Variants in IQSEC1 observed in about 807,000 individuals in gnomAD.
The protein encoded by IQSEC1 is IQ motif and SEC7 domain-containing protein 1.
In IQSEC1, 31 loss-of-function variants were observed where a neutral mutation model predicts 91.0. The ratio of observed to expected loss-of-function variants is 0.34; its 90% CI spans 0.26 to 0.46. The LOEUF (loss-of-function observed/expected upper bound fraction) is 0.46, where lower values mean the gene tolerates loss of function less well. Ranked by LOEUF, IQSEC1 falls within the 20% of genes least tolerant of loss-of-function variation. IQSEC1 has a pLI of 1.00. For synonymous variants in IQSEC1, 699 were observed against 662.6 expected (o/e 1.05, Z -0.84); for missense variants, 1,388 against 1,575.6 (o/e 0.88, Z 2.02).
chr3:13,158,150 G>A (rs1005828457), intron 2 of IQSEC1, among the ~76,000 whole-genome samples: 2 of 152,156 alleles, frequency 1.3e-5, no homozygotes, highest in African/African-American at 4.8e-5. Context: ...GCCTCCAGAG[G>A]CCGCCGGCTC....
At chr3:12,930,009 T>C (rs1405095893) in intron 3 of IQSEC1, among the ~76,000 whole-genome samples, 1 of 152,236 alleles carries the variant, frequency 6.6e-6, no homozygotes, top group Non-Finnish European at 1.5e-5. Context: ...TCTCATCGTC[T>C]TTCAGCGGCA....
At chr3:13,277,950 C>A (rs923041112) in intron 1 of IQSEC1, among the ~76,000 whole-genome samples, 1 of 152,160 alleles carries the variant, frequency 6.6e-6, no homozygotes, top group African/African-American at 2.4e-5. Context: ...CCCGGCAGGA[C>A]CCTCCTGAGG....
chr3:13,276,077 A>G (rs926924402), intron 1 of IQSEC1, among the ~76,000 whole-genome samples: 6 of 85,600 alleles, frequency 7.0e-5, no homozygotes, highest in Non-Finnish European at 1.1e-4. Flanking sequence ...CCTCAAAAGC[A>G]TTCTTTTTTT....
intron 2 of IQSEC1, among the ~76,000 whole-genome samples, chr3:13,144,866 G>A (rs984287910): frequency 6.6e-6 from 1 of 152,214 alleles, no homozygotes; most frequent in African/African-American, 2.4e-5. Context: ...AGCAGCGCTT[G>A]GGCCGAAGCG....
At chr3:12,982,903 C>T (rs955347753) in intron 1 of IQSEC1, among the ~76,000 whole-genome samples, 3 of 152,382 alleles carry the variant, frequency 2.0e-5, no homozygotes, top group African/African-American at 7.2e-5. Flanking sequence ...CTAGTCCAAA[C>T]GTTCCCAGCT....
chr3:12,945,765 C>G (rs1485417303), intron 1 of IQSEC1, among the ~76,000 whole-genome samples: 1 of 152,150 alleles, frequency 6.6e-6, no homozygotes, highest in Non-Finnish European at 1.5e-5. Context: ...AAAAAAGTGG[C>G]TTTTCTGAGT....
rs1297364570 is a variant in IQSEC1 at position 12,924,654 on chromosome 3, T to G, written c.1657A>C (p.Lys553Gln). ...CCGATCATCTGCCGGCTGAGGCCCT[T>G]GCGCTGCAGCAGGAAGTGGGCCACC... is the stretch of plus-strand genomic sequence containing the variant. The part of the protein sequence containing the change: ...VGVAHFLLQR[K>Q]GLSRQMIGEF... The change falls in exon 4 of 14, where the codon AAG (lysine) becomes CAG (glutamine). Residue 553 changes from lysine to glutamine, a missense_variant. By Grantham distance (53) the Lys-to-Gln change is moderately conservative (BLOSUM62 1). This residue lies in a region of IQSEC1 where 1,059 missense variants were observed against 1,317.8 expected (regional missense o/e 0.80). Transcript: ENST00000613206. This position sits in a 1 kb window ranked among gnomAD's most constrained non-coding sequence, Gnocchi z 6.3. 3.1e-6 allele frequency: 5 copies of G among 1,611,078 alleles called. No individual in the cohort carries two copies.
intron 2 of IQSEC1, among the ~76,000 whole-genome samples, chr3:13,149,868 G>A (rs1706962439): frequency 1.3e-5 from 2 of 152,318 alleles, no homozygotes; most frequent in Non-Finnish European, 2.9e-5. Context: ...TCACTGAGGG[G>A]TACAGTCATG....
At chr3:13,097,357 G>T (rs1404733621) in intron 2 of IQSEC1, among the ~76,000 whole-genome samples, 1 of 152,130 alleles carries the variant, frequency 6.6e-6, no homozygotes, top group African/African-American at 2.4e-5. Flanking sequence ...GCTTCCAGAC[G>T]TGGCTCTGGT....
rs1694007167 is a variant in IQSEC1, at chr3:12,899,521, CAGAAGCGACAAG to C, written c.*1450_*1461del. On this transcript the variant is annotated 3_prime_UTR_variant, in exon 14 of 14. Coordinates refer to ENST00000613206, the MANE Select transcript of IQSEC1 (RefSeq NM_001134382.3). ...GGGAGCGCATGGTGTCACCACAACA[CAGAAGCGACAAG>C]AGCACAGCTGAGAGTCATGTGATGC... 4 of 1,541,110 alleles carry C rather than the reference CAGAAGCGACAAG, an allele frequency of 2.6e-6. No individual in the cohort carries two copies. The East Asian group carries it at 9.7e-5, about 37-fold the overall frequency.
rs141252693 is a variant in IQSEC1 at position 12,924,526 on chromosome 3, G to A, written c.1730+55C>T. On this transcript the variant is annotated intron_variant, in intron 4 of 13. Transcript: ENST00000613206. This position sits in a 1 kb window ranked among gnomAD's most constrained non-coding sequence, Gnocchi z 6.3. ...TGTGTGTGCCCACGGGTAACACAGG[G>A]TGCGTGAGGGCGTGTGTGGAATCAG... The A allele has an allele frequency of 2.0e-6, 3 of 1,521,412 alleles. No individual in the cohort carries two copies. Among genetic ancestry groups the A allele is most frequent in the Non-Finnish European group, 1.8e-6 (2 of 1,123,228 alleles). 94.2% of individuals were successfully genotyped at this position (1,521,412 alleles called of 1,614,324 possible). A position where few individuals can be genotyped will look rare whatever the true frequency, so the allele number is the denominator to read the frequency against.
rs1296020629 is a variant in IQSEC1 at position 12,924,004 on chromosome 3, CAGGACGCACAGCCCCAA to C, written c.1730+560_1730+576del. ...GAGCTGTGGAATCAGGAGGTGGGGG[CAGGACGCACAGCCCCAA>C]TATCCCAGCCGGGAGAATGAGGCAG... is the stretch of plus-strand genomic sequence containing the variant. On this transcript the variant is annotated intron_variant, in intron 4 of 13. Coordinates refer to ENST00000613206, the MANE Select transcript of IQSEC1 (RefSeq NM_001134382.3). This position sits in a 1 kb window ranked among gnomAD's most constrained non-coding sequence, Gnocchi z 6.3. 2.0e-5 allele frequency among the ~76,000 whole-genome samples: 3 copies of C among 152,210 alleles called. No homozygotes were observed. The highest frequency in any genetic ancestry group is 4.4e-5 in the Non-Finnish European group (3 of 68,030).
At position 13,028,091 on chromosome 3, in the gene IQSEC1, G is replaced by GC. The variant is rs758084959; in HGVS notation, c.23+44900dup. 9.9e-5 allele frequency among the ~76,000 whole-genome samples: 15 copies of GC among 152,280 alleles called. 1 individual carries two copies. The highest frequency in any genetic ancestry group is 2.0e-4 in the Admixed American group (3 of 15,302). ...CCAGAGACGCCTGTGGCCCCTCAAA[G>GC]CCCCGCAGGGCTGATAATCCCAGAC... is the stretch of plus-strand genomic sequence containing the variant. On this transcript the variant is annotated intron_variant, in intron 1 of 13. Transcript: ENST00000613206.
intron 2 of IQSEC1, among the ~76,000 whole-genome samples, chr3:13,120,137 G>GA (rs1367782895): frequency 2.0e-5 from 3 of 152,216 alleles, no homozygotes; most frequent in African/African-American, 7.2e-5. Flanking sequence ...CCCTCCCGGG[G>GA]AGGAGGCTGC....
rs977038299 is a variant in IQSEC1, at chr3:13,207,368, G to A, written c.273-43235C>T. Reference sequence around the variant, plus strand: ...AATCTGCCTACTTCTCCCCCTCCACGGCCACCTCCCTGACCCAAGCCCCGT... The same window carrying A: ...AATCTGCCTACTTCTCCCCCTCCACAGCCACCTCCCTGACCCAAGCCCCGT... On this transcript the variant is annotated intron_variant, in intron 1 of 15. Coordinates refer to the IQSEC1 transcript ENST00000648114. The surrounding 1 kb of genome is among the most constrained non-coding windows in gnomAD (Gnocchi z 4.8). Among the ~76,000 whole-genome samples the A allele has an allele frequency of 6.6e-6, 1 of 151,542 alleles. No homozygotes were observed. Among genetic ancestry groups the A allele is most frequent in the African/African-American group, 2.4e-5 (1 of 41,174 alleles).
intron 1 of IQSEC1, among the ~76,000 whole-genome samples, chr3:12,989,805 T>G (rs1040949346): frequency 2.0e-5 from 3 of 152,148 alleles, no homozygotes; most frequent in Non-Finnish European, 4.4e-5. Context: ...TAAGGAAGCC[T>G]GGGTAGGGAT....
At chr3:13,095,128 CCTCCATCTCTGCCTG>C (rs1705932396) in intron 2 of IQSEC1, among the ~76,000 whole-genome samples, 1 of 151,986 alleles carries the variant, frequency 6.6e-6, no homozygotes. Context: ...CAAGAATCTA[CCTCCATCTCTGCCTG>C]TGGGTGGACC....
intron 1 of IQSEC1, among the ~76,000 whole-genome samples, chr3:13,169,464 A>G (rs1398209358): frequency 2.0e-5 from 3 of 152,240 alleles, no homozygotes; most frequent in East Asian, 1.9e-4. Flanking sequence ...GCACTGCTGT[A>G]GACACCAAAA....
chr3:13,277,124 A>C (rs1415692181), intron 1 of IQSEC1, among the ~76,000 whole-genome samples: 7 of 150,452 alleles, frequency 4.7e-5, no homozygotes, highest in East Asian at 1.9e-4. Context: ...AAAAAAAAAA[A>C]AAAAAAAAAA....
Sources: allele counts gnomAD v4.1 joint callset (sites outside exome capture counted in the v4.1 genomes callset), GRCh38; gene constraint gnomAD v4.1.1; regional missense constraint gnomAD v4.1.1; non-coding constraint Gnocchi (gnomAD v3.1); transcripts MANE v1.5; gene names NCBI Gene and HGNC (gene_info 2026-07-23, HGNC 2026-07-21).